PTPRN2: variants seen among roughly 807,000 people sequenced by gnomAD.
PTPRN2 encodes the protein protein tyrosine phosphatase receptor type N2, also known as receptor-type tyrosine-protein phosphatase N2.
Under a neutral mutation model 118.8 loss-of-function variants are expected in PTPRN2, and 74 were observed. That is an observed-to-expected ratio of 0.62 (90% CI 0.52 to 0.76). The LOEUF (loss-of-function observed/expected upper bound fraction) is 0.76. Among genes scored for constraint, PTPRN2 ranks in the 30% least tolerant of loss-of-function variants. The probability of loss-of-function intolerance (pLI) is 0.00; values close to 1 mark genes in which losing one functional copy is unlikely to be tolerated. For missense variants in PTPRN2, 1,481 were observed against 1,394.4 expected, an observed-to-expected ratio of 1.06 and a Z score of -0.99; for synonymous variants, 641 against 608.0, an observed-to-expected ratio of 1.05 and a Z score of -0.80.
At position 157,981,762 on chromosome 7, in the gene PTPRN2, G is replaced by A. The variant is rs545901949; in HGVS notation, c.1724-83025C>T. On this transcript the variant is annotated intron_variant, in intron 11 of 22. Transcript: ENST00000389418. ...CAAGTTAATTAATTAGCAATACTTC[G>A]GAAAGGCACAAGCTATGATGTGAAG... Among the ~76,000 whole-genome samples the A allele has an allele frequency of 8.5e-5, 13 of 152,300 alleles. No homozygotes were observed. The South Asian group carries it at 1.0e-3, about 12-fold the overall frequency.
chr7:157,671,218 T>C lies in PTPRN2; in HGVS notation c.2001+11507A>G, dbSNP rs774360325. On this transcript the variant is annotated intron_variant, in intron 13 of 22. Coordinates refer to ENST00000389418, the MANE Select transcript of PTPRN2 (RefSeq NM_002847.5). This position sits in a 1 kb window ranked among gnomAD's most constrained non-coding sequence, Gnocchi z 4.1. ...GTCCCCGGTGGGTGCTGTGGGTCTATTGGACAGACCTGGCCTTTGGGAAGC... is the reference window on the plus strand; with the variant it reads ...GTCCCCGGTGGGTGCTGTGGGTCTACTGGACAGACCTGGCCTTTGGGAAGC... Among the ~76,000 whole-genome samples, 4 of 152,100 alleles carry C rather than the reference T, an allele frequency of 2.6e-5. No homozygotes were observed. Among genetic ancestry groups the C allele is most frequent in the African/African-American group, 7.2e-5 (3 of 41,534 alleles).
At chr7:158,333,402 C>T (rs541713659) in intron 2 of PTPRN2, among the ~76,000 whole-genome samples, 2 of 145,554 alleles carry the variant, frequency 1.4e-5, no homozygotes, top group East Asian at 2.0e-4. Context: ...CACCTGCAGA[C>T]GTCACTCACA....
In PTPRN2 at chr7:157,763,794, A is replaced by T. The variant is rs1178157689; in HGVS notation, c.1789-80857T>A. On this transcript the variant is annotated intron_variant, in intron 12 of 22. Coordinates refer to ENST00000389418, the MANE Select transcript of PTPRN2 (RefSeq NM_002847.5). The surrounding 1 kb of genome is among the most constrained non-coding windows in gnomAD (Gnocchi z 4.9). ...CCCGGCAGTGGTAGGAGGAGGCTGCACCGGGCAGGGTTAGGGGCTGCTGGG... is the reference window on the plus strand; with the variant it reads ...CCCGGCAGTGGTAGGAGGAGGCTGCTCCGGGCAGGGTTAGGGGCTGCTGGG... 6.6e-6 allele frequency among the ~76,000 whole-genome samples: 1 copy of T among 152,042 alleles called. No individual in the cohort carries two copies. The highest frequency in any genetic ancestry group is 1.5e-5 in the Non-Finnish European group (1 of 68,002).
intron 2 of PTPRN2, among the ~76,000 whole-genome samples, chr7:158,421,296 C>G (rs1015334626): frequency 6.6e-6 from 1 of 152,138 alleles, no homozygotes; most frequent in Non-Finnish European, 1.5e-5. Context: ...TGACACCCAC[C>G]CTGGTAGGAA....
chr7:158,105,872 C>T (rs1285483898), intron 10 of PTPRN2, among the ~76,000 whole-genome samples: 2 of 151,982 alleles, frequency 1.3e-5, no homozygotes, highest in African/African-American at 4.8e-5. Flanking sequence ...CAGCTTCATC[C>T]CATCTCCATA....
At chr7:157,732,067 C>T (rs1406387685) in intron 12 of PTPRN2, among the ~76,000 whole-genome samples, 3 of 73,680 alleles carry the variant, frequency 4.1e-5, no homozygotes, top group South Asian at 4.1e-4. Flanking sequence ...CTCTTTTCCA[C>T]CCCATGCGCC....
chr7:158,448,391 T>C (rs915872897), intron 2 of PTPRN2, among the ~76,000 whole-genome samples: 2 of 150,850 alleles, frequency 1.3e-5, no homozygotes, highest in Admixed American at 6.6e-5. Context: ...AGAAGAGATC[T>C]GGGGAGGAGG....
chr7:158,028,674 T>A (rs1403364302), intron 11 of PTPRN2: 1 of 152,272 alleles, frequency 6.6e-6, no homozygotes, highest in East Asian at 1.9e-4. Flanking sequence ...AGGAAAACAC[T>A]GTTTGAACAG....
chr7:158,109,617 G>T (rs2150365283), intron 10 of PTPRN2, among the ~76,000 whole-genome samples: 1 of 151,644 alleles, frequency 6.6e-6, no homozygotes, highest in East Asian at 2.0e-4. Context: ...GTGAGTGAAT[G>T]ACGTCACCCA....
At chr7:158,090,247 T>G (rs1814008359) in intron 10 of PTPRN2, among the ~76,000 whole-genome samples, 1 of 152,254 alleles carries the variant, frequency 6.6e-6, no homozygotes, top group Non-Finnish European at 1.5e-5. Context: ...AGAGGTGTGA[T>G]ACTCGAACAA....
rs541891861 is a variant in PTPRN2, at chr7:158,555,454, C to T, written c.112+32104G>A. Among the ~76,000 whole-genome samples the T allele has an allele frequency of 3.5e-4, 53 of 152,348 alleles. No individual in the cohort carries two copies. The highest frequency in any genetic ancestry group is 1.2e-3 in the African/African-American group (51 of 41,586). On this transcript the variant is annotated intron_variant, in intron 1 of 22. Transcript: ENST00000389418. This position sits in a 1 kb window ranked among gnomAD's most constrained non-coding sequence, Gnocchi z 4.7. ...CCTCGCTGAAACCTCCCAACACTGA[C>T]GTCACCGGGGTGGGGCAGGAGCAGG...
At chr7:157,782,919 G>A (rs1012004664) in intron 12 of PTPRN2, among the ~76,000 whole-genome samples, 2 of 152,186 alleles carry the variant, frequency 1.3e-5, no homozygotes, top group Non-Finnish European at 2.9e-5. Flanking sequence ...GTCTGACTGT[G>A]TCCCCACCCA....
intron 2 of PTPRN2, among the ~76,000 whole-genome samples, chr7:158,455,714 GACGCCATCGGCCATGGC>G (rs1390242793): frequency 8.2e-5 from 12 of 145,752 alleles, no homozygotes; most frequent in Non-Finnish European, 7.5e-5. Flanking sequence ...CAACGGCATG[GACGCCATCGGCCATGGC>G]CACCCATCGC....
Position 157,831,844 on chromosome 7 carries a change from A to G in PTPRN2, c.1788+66829T>C, listed in dbSNP as rs1807589098. ...CCCACGAATGGAACCCTAGGCCATA[A>G]AATATATGGATATTCCAGGGTTTAA... On this transcript the variant is annotated intron_variant, in intron 12 of 22. Transcript: ENST00000389418. The surrounding 1 kb of genome is among the most constrained non-coding windows in gnomAD (Gnocchi z 4.8). 6.6e-6 allele frequency among the ~76,000 whole-genome samples: 1 copy of G among 152,246 alleles called. No individual in the cohort carries two copies. Among genetic ancestry groups the G allele is most frequent in the African/African-American group, 2.4e-5 (1 of 41,472 alleles).
intron 12 of PTPRN2, among the ~76,000 whole-genome samples, chr7:157,820,661 CAT>C (rs1344291543): frequency 2.6e-5 from 4 of 152,228 alleles, no homozygotes; most frequent in African/African-American, 7.2e-5. Context: ...TGCACACACA[CAT>C]ACACACACCT....
rs114722219 is a variant in PTPRN2, at chr7:158,570,926, C to A, written c.112+16632G>T. 7.6e-3 allele frequency among the ~76,000 whole-genome samples: 1,162 copies of A among 152,344 alleles called. 18 individuals carry two copies. The highest frequency in any genetic ancestry group is 0.026 in the African/African-American group (1,069 of 41,576). Reference sequence around the variant, plus strand: ...GGCCTTCCTCTGCTCAGAAGCCCACCCCTGCAGAGCAAAGCCCGGGTCCCG... The same window carrying A: ...GGCCTTCCTCTGCTCAGAAGCCCACACCTGCAGAGCAAAGCCCGGGTCCCG... On this transcript the variant is annotated intron_variant, in intron 1 of 22. Transcript: ENST00000389418. This position sits in a 1 kb window ranked among gnomAD's most constrained non-coding sequence, Gnocchi z 4.5.
At chr7:158,238,168 C>T (rs181504587) in intron 3 of PTPRN2, among the ~76,000 whole-genome samples, 14 of 152,200 alleles carry the variant, frequency 9.2e-5, no homozygotes, top group South Asian at 2.1e-4. Flanking sequence ...TGGAAAAGGA[C>T]GCCCTGGGCT....
At chr7:158,504,812 T>C (rs1822625615) in intron 1 of PTPRN2, among the ~76,000 whole-genome samples, 1 of 152,262 alleles carries the variant, frequency 6.6e-6, no homozygotes, top group Admixed American at 6.5e-5. Context: ...TTGTTTCCAA[T>C]ATTTCCCATT....
chr7:158,056,905 C>G (rs551953670), intron 11 of PTPRN2, among the ~76,000 whole-genome samples: 6 of 152,204 alleles, frequency 3.9e-5, no homozygotes, highest in Non-Finnish European at 8.8e-5. Context: ...CCACCCACAT[C>G]GGGACGCGTG....
Sources: allele counts gnomAD v4.1 joint callset (sites outside exome capture counted in the v4.1 genomes callset), GRCh38; gene constraint gnomAD v4.1.1; non-coding constraint Gnocchi (gnomAD v3.1); transcripts MANE v1.5; gene names NCBI Gene and HGNC (gene_info 2026-07-23, HGNC 2026-07-21).